The following MALRD1 variants were observed in gnomAD, a reference collection of about 807,000 sequenced individuals.
MALRD1 encodes MAM and LDL-receptor class A domain-containing protein 1.
MALRD1 carries 247 observed loss-of-function variants against 242.1 expected under a neutral mutation model. The ratio of observed to expected loss-of-function variants is 1.02; its 90% CI spans 0.92 to 1.13. The LOEUF (loss-of-function observed/expected upper bound fraction) is 1.13, where lower values mean the gene tolerates loss of function less well. MALRD1 is among the 50% of genes most tolerant of loss of function. MALRD1 has a pLI of 0.00. For synonymous variants in MALRD1, 995 were observed against 866.6 expected (o/e 1.15, Z -2.60); for missense variants, 2,989 against 2,533.1 (o/e 1.18, Z -3.86).
rs560088409 is a variant in MALRD1, at chr10:19,230,360, A to G, written c.2991+20680A>G. 6.3e-4 allele frequency among the ~76,000 whole-genome samples: 95 copies of G among 151,996 alleles called. 1 individual carries two copies. The highest frequency in any genetic ancestry group is 1.3e-3 in the Non-Finnish European group (86 of 67,994). On this transcript the variant is annotated intron_variant, in intron 18 of 39. Coordinates refer to ENST00000454679, the MANE Select transcript of MALRD1 (RefSeq NM_001142308.3). ...TGGCTCCTTGTTCTGCAGGCTGTACATGAAGCATAGTACTGGCACCTGCTT... is the reference window on the plus strand; with the variant it reads ...TGGCTCCTTGTTCTGCAGGCTGTACGTGAAGCATAGTACTGGCACCTGCTT...
intron 28 of MALRD1, among the ~76,000 whole-genome samples, chr10:19,408,897 A>G (rs1438439800): frequency 1.3e-5 from 2 of 152,224 alleles, no homozygotes; most frequent in Non-Finnish European, 2.9e-5. Context: ...AAATAAACCA[A>G]AAACTAAACA....
chr10:19,615,811 A>G (rs1378622762), intron 35 of MALRD1, 46 bp from the exon 36 acceptor site: 1 of 1,330,532 alleles, frequency 7.5e-7, no homozygotes, highest in African/African-American at 1.5e-5. Context: ...TCTTCCTCCT[A>G]ATACTATTTA....
intron 18 of MALRD1, among the ~76,000 whole-genome samples, chr10:19,229,215 G>A (rs1837938327): frequency 6.6e-6 from 1 of 152,086 alleles, no homozygotes; most frequent in South Asian, 2.1e-4. Context: ...CAATATATCA[G>A]AATGTATTAG....
At chr10:19,154,327 A>G (rs191499862) in intron 11 of MALRD1, among the ~76,000 whole-genome samples, 18 of 152,248 alleles carry the variant, frequency 1.2e-4, no homozygotes, top group Non-Finnish European at 2.2e-4. Context: ...TATCTAGGAA[A>G]ATCACTCTCT....
At chr10:19,684,351 T>G (rs1439436750) in intron 36 of MALRD1, among the ~76,000 whole-genome samples, 1 of 152,216 alleles carries the variant, frequency 6.6e-6, no homozygotes, top group African/African-American at 2.4e-5. Flanking sequence ...TAACAAGTGC[T>G]CAATAAATAT....
At position 19,709,027 on chromosome 10, in the gene MALRD1, TC is replaced by T. The variant is rs769410788; in HGVS notation, c.6314+16474del. On this transcript the variant is annotated intron_variant, in intron 38 of 39. Transcript: ENST00000454679. The stretch of plus-strand genomic sequence containing the variant: ...AACATGGATAAGCCTTTTTTTTTTT[TC>T]ATTTTTTGAAATTGTCTTTTTACTT... 8.2e-3 allele frequency among the ~76,000 whole-genome samples: 993 copies of T among 121,200 alleles called. 261 individuals are homozygous for T. Among genetic ancestry groups the T allele is most frequent in the Non-Finnish European group, 9.7e-3 (514 of 52,912 alleles). The allele number at this position is 121,200 out of a possible 152,430, so 79.5% of individuals were successfully genotyped here.
chr10:19,062,800 G>A (rs1249024376), intron 1 of MALRD1, among the ~76,000 whole-genome samples: 1 of 152,120 alleles, frequency 6.6e-6, no homozygotes, highest in Non-Finnish European at 1.5e-5. Context: ...GGCTTCTGGG[G>A]ATAGACGATG....
At chr10:19,252,345 T>C (rs1193312129) in intron 18 of MALRD1, among the ~76,000 whole-genome samples, 1 of 152,062 alleles carries the variant, frequency 6.6e-6, no homozygotes, top group African/African-American at 2.4e-5. Context: ...CTATCGTAAA[T>C]GGTGAGATAG....
At chr10:19,571,295 T>G (rs532424135) in intron 33 of MALRD1, among the ~76,000 whole-genome samples, 1 of 152,248 alleles carries the variant, frequency 6.6e-6, no homozygotes, top group Non-Finnish European at 1.5e-5. Context: ...TAGTTTTGCC[T>G]TAGCAGTTTT....
chr10:19,339,368 C>T (rs926880685), intron 24 of MALRD1, among the ~76,000 whole-genome samples: 4 of 152,088 alleles, frequency 2.6e-5, no homozygotes, highest in Non-Finnish European at 4.4e-5. Flanking sequence ...TTATCAAATA[C>T]GTCAAGTAGT....
chr10:19,096,696 C>G (rs1410020221), intron 4 of MALRD1, among the ~76,000 whole-genome samples: 1 of 152,214 alleles, frequency 6.6e-6, no homozygotes, highest in Non-Finnish European at 1.5e-5. Flanking sequence ...AGTCTCCAGA[C>G]AGCATCTGCT....
chr10:19,396,104 AATTCATTC>A (rs1468142489), intron 28 of MALRD1, among the ~76,000 whole-genome samples: 1 of 149,922 alleles, frequency 6.7e-6, no homozygotes, highest in Non-Finnish European at 1.5e-5. Flanking sequence ...AATATTAACT[AATTCATTC>A]ATTCATTCCT....
chr10:19,228,510 A>C (rs1214349371), intron 18 of MALRD1, among the ~76,000 whole-genome samples: 1 of 152,238 alleles, frequency 6.6e-6, no homozygotes, highest in Non-Finnish European at 1.5e-5. Flanking sequence ...ATTAAATTGC[A>C]CATTTAAAAG....
chr10:19,095,074 A>G (rs1437006252), intron 4 of MALRD1, among the ~76,000 whole-genome samples: 1 of 152,188 alleles, frequency 6.6e-6, no homozygotes, highest in Non-Finnish European at 1.5e-5. Flanking sequence ...TGATATAATA[A>G]TTTCATAAAT....
chr10:19,376,826 A>G (rs548896121), intron 26 of MALRD1, among the ~76,000 whole-genome samples: 6 of 151,984 alleles, frequency 3.9e-5, no homozygotes, highest in South Asian at 4.2e-4. Context: ...TGATCTGACC[A>G]CCTCGGCCTC....
chr10:19,352,428 T>C, intron 26 of MALRD1, 131 bp downstream of exon 26: 1 of 894,104 alleles, frequency 1.1e-6, no homozygotes, highest in Non-Finnish European at 1.6e-6. Context: ...ATAAGATCTT[T>C]TTAAACTCAA....
chr10:19,531,157 C>T, intron 31 of MALRD1, 37 bp from the exon 32 acceptor site: 2 of 1,515,546 alleles, frequency 1.3e-6, no homozygotes, highest in Non-Finnish European at 1.8e-6. Flanking sequence ...GCGATATTAT[C>T]ATTACACTGA....
intron 2 of MALRD1, among the ~76,000 whole-genome samples, chr10:19,067,802 C>T (rs1363968126): frequency 6.6e-6 from 1 of 151,942 alleles, no homozygotes; most frequent in Non-Finnish European, 1.5e-5. Context: ...TTATAGAAAA[C>T]CTGGCACTCA....
In MALRD1 at chr10:19,050,399, T is replaced by A. The variant is rs138295286; in HGVS notation, c.199+1262T>A. Among the ~76,000 whole-genome samples, 130 of 152,174 alleles carry A rather than the reference T, an allele frequency of 8.5e-4. 4 individuals are homozygous for A. The East Asian group carries it at 0.021, about 25-fold the overall frequency. ...ACCGCGCCCGGCCTTCTTTTTTTTT[T>A]ATTCAGATAAAATATCAATTCATGT... On this transcript the variant is annotated intron_variant, in intron 1 of 39. Transcript: ENST00000454679.
Sources: allele counts gnomAD v4.1 joint callset (sites outside exome capture counted in the v4.1 genomes callset), GRCh38; gene constraint gnomAD v4.1.1; transcripts MANE v1.5; gene names NCBI Gene and HGNC (gene_info 2026-07-23, HGNC 2026-07-21).